The following CRIM1 variants were observed in gnomAD, a reference collection of about 807,000 sequenced individuals.
CRIM1 encodes the protein cysteine rich transmembrane BMP regulator 1, also known as cysteine-rich motor neuron 1 protein.
Under a neutral mutation model 116.4 loss-of-function variants are expected in CRIM1, and 32 were observed. The ratio of observed to expected loss-of-function variants is 0.27; its 90% CI spans 0.21 to 0.37. The LOEUF is 0.37. Ranked by LOEUF, CRIM1 falls within the 10% of genes least tolerant of loss-of-function variation. CRIM1 has a pLI of 1.00. For synonymous variants in CRIM1, 590 were observed against 509.2 expected, an observed-to-expected ratio of 1.16 and a Z score of -2.13; for missense variants, 1,331 against 1,354.8, an observed-to-expected ratio of 0.98 and a Z score of 0.28.
At chr2:36,526,257 AG>A (rs1482182482) in intron 13 of CRIM1, among the ~76,000 whole-genome samples, 8 of 152,304 alleles carry the variant, frequency 5.3e-5, no homozygotes, top group African/African-American at 1.9e-4. Flanking sequence ...ACTATAATGA[AG>A]GGTTAAAGGA....
At chr2:36,399,254 C>G (rs148498204) in intron 2 of CRIM1, among the ~76,000 whole-genome samples, 1 of 152,154 alleles carries the variant, frequency 6.6e-6, no homozygotes, top group African/African-American at 2.4e-5. Flanking sequence ...CAGACAGAAT[C>G]AGAAAGAAGA....
At chr2:36,382,610 A>G (rs1670866052) in intron 1 of CRIM1, among the ~76,000 whole-genome samples, 1 of 152,256 alleles carries the variant, frequency 6.6e-6, no homozygotes, top group South Asian at 2.1e-4. Flanking sequence ...CTGCCAGCCC[A>G]GGTGTGCAGC....
chr2:36,457,332 C>T (rs184234022), intron 4 of CRIM1, among the ~76,000 whole-genome samples: 1 of 151,548 alleles, frequency 6.6e-6, no homozygotes, highest in Non-Finnish European at 1.5e-5. Flanking sequence ...GATTCCTCCC[C>T]CCAGAAAAAA....
chr2:36,399,372 T>A (rs756240706), intron 2 of CRIM1, among the ~76,000 whole-genome samples: 2 of 152,202 alleles, frequency 1.3e-5, no homozygotes, highest in African/African-American at 4.8e-5. Flanking sequence ...TTCAGCTGTT[T>A]AGATGTGTTA....
intron 1 of CRIM1, among the ~76,000 whole-genome samples, chr2:36,361,027 G>A (rs963463384): frequency 2.0e-5 from 3 of 152,108 alleles, no homozygotes; most frequent in African/African-American, 7.2e-5. Flanking sequence ...GAAATAATTA[G>A]TTCCTCCCAA....
chr2:36,437,872 T>C (rs1675441957), intron 2 of CRIM1, among the ~76,000 whole-genome samples: 1 of 151,692 alleles, frequency 6.6e-6, no homozygotes, highest in South Asian at 2.1e-4. Flanking sequence ...GGTGGCTCAC[T>C]CCTGTAATCC....
chr2:36,504,228 G>A (rs1572885185), intron 8 of CRIM1, among the ~76,000 whole-genome samples: 1 of 152,046 alleles, frequency 6.6e-6, no homozygotes, highest in South Asian at 2.1e-4. Context: ...TTCTGTCTTC[G>A]TTGATTTGTT....
At chr2:36,380,978 G>A (rs1378296722) in intron 1 of CRIM1, among the ~76,000 whole-genome samples, 1 of 152,194 alleles carries the variant, frequency 6.6e-6, no homozygotes, top group East Asian at 1.9e-4. Context: ...TGCCCACTCT[G>A]GAGAGAACTC....
At chr2:36,477,121 G>C in intron 6 of CRIM1, 50 bp downstream of exon 6, 1 of 1,407,122 alleles carries the variant, frequency 7.1e-7, no homozygotes, top group East Asian at 2.5e-5. Context: ...ATGGTATAGA[G>C]TTCTAAAATC....
chr2:36,522,726 C>T (rs1011284139), intron 13 of CRIM1, among the ~76,000 whole-genome samples: 3 of 146,748 alleles, frequency 2.0e-5, no homozygotes, highest in African/African-American at 5.0e-5. Context: ...CACTTGAACA[C>T]GGGAGGCGGA....
Position 36,477,049 on chromosome 2 carries a change from A to G in CRIM1, c.1152A>G (p.Gly384=), listed in dbSNP as rs1679038147. 6.2e-7 allele frequency: 1 copy of G among 1,613,716 alleles called. No individual in the cohort carries two copies. ...INCERYYVPE[G]ECCPVCEDPV... ...GCGAGAGGTACTACGTGCCCGAAGG[A>G]GAGTGCTGCCCAGTGTGTGAAGGTA... The change falls in exon 6 of 17, where the codon GGA becomes GGG. Residue 384 remains glycine, a synonymous_variant. Transcript: ENST00000280527.
intron 2 of CRIM1, among the ~76,000 whole-genome samples, chr2:36,401,134 A>G (rs1672373921): frequency 6.6e-6 from 1 of 152,170 alleles, no homozygotes; most frequent in Admixed American, 6.6e-5. Flanking sequence ...TTTCAATGTT[A>G]TAGACTTATG....
chr2:36,517,487 G>A lies in CRIM1; in HGVS notation c.2151G>A (p.Pro717=), dbSNP rs770917598. 1.5e-5 allele frequency: 25 copies of A among 1,614,162 alleles called. No homozygotes were observed. In the East Asian group the frequency reaches 1.6e-4, roughly 10 times the overall value. ...RVLCETEVCP[P]LLCQNPSRTQ... ...TGTGTGAGACAGAGGTGTGCCCACC[G>A]CTGCTCTGCCAGAACCCCTCACGCA... Residue 717 remains proline (P), a synonymous_variant, in exon 12 of 17, where the codon CCG becomes CCA. Transcript: ENST00000280527.
chr2:36,392,497 G>C (rs980689558), intron 1 of CRIM1, among the ~76,000 whole-genome samples: 1 of 151,812 alleles, frequency 6.6e-6, no homozygotes. Flanking sequence ...AGCTATGTTA[G>C]AGAATCAGAA....
At chr2:36,371,832 C>T (rs1316970156) in intron 1 of CRIM1, among the ~76,000 whole-genome samples, 4 of 152,134 alleles carry the variant, frequency 2.6e-5, no homozygotes, top group Non-Finnish European at 4.4e-5. Flanking sequence ...ATATACTAAA[C>T]GGTTGAGATA....
chr2:36,484,469 G>A (rs1381993912), intron 7 of CRIM1, among the ~76,000 whole-genome samples: 1 of 152,116 alleles, frequency 6.6e-6, no homozygotes, highest in Non-Finnish European at 1.5e-5. Flanking sequence ...ATCGGGGAGG[G>A]AAGTTTTGGC....
chr2:36,428,578 T>C (rs28705335), intron 2 of CRIM1, among the ~76,000 whole-genome samples: 46,109 of 152,094 alleles, frequency 0.3, 7,307 homozygotes, highest in South Asian at 0.47. Flanking sequence ...CTGTACCTCA[T>C]TGCTTTTATT....
intron 4 of CRIM1, among the ~76,000 whole-genome samples, chr2:36,450,909 G>C (rs891576851): frequency 2.0e-5 from 3 of 152,208 alleles, no homozygotes; most frequent in Admixed American, 2.0e-4. Flanking sequence ...TGAATAGATA[G>C]AGATGTTTAG....
intron 15 of CRIM1, 43 bp downstream of exon 15, chr2:36,544,541 G>A (rs1667178239): frequency 1.5e-6 from 2 of 1,313,494 alleles, no homozygotes; most frequent in Middle Eastern, 2.0e-4. Flanking sequence ...TTTCTATGTG[G>A]TCTACTTAGG....
Sources: gnomAD v4.1 joint callset for allele counts (sites outside exome capture counted in the v4.1 genomes callset) on GRCh38, gnomAD v4.1.1 for gene constraint, MANE v1.5 for transcripts, NCBI Gene and HGNC (gene_info 2026-07-23, HGNC 2026-07-21) for gene names.